Variants in TFPI observed in about 807,000 individuals in gnomAD.
TFPI encodes tissue factor pathway inhibitor.
TFPI carries 15 observed loss-of-function variants against 34.6 expected under a neutral mutation model. The observed-to-expected ratio is 0.43, with a 90% CI of 0.29 to 0.67. The LOEUF (loss-of-function observed/expected upper bound fraction) is 0.67, where lower values mean the gene tolerates loss of function less well. TFPI is among the 30% of genes least tolerant of loss of function. The pLI is 0.15. For missense variants in TFPI, 301 were observed against 364.0 expected, an observed-to-expected ratio of 0.83 and a Z score of 1.41; for synonymous variants, 105 against 120.1, an observed-to-expected ratio of 0.87 and a Z score of 0.82.
At chr2:187,471,310 A>C (rs1044039723) in intron 6 of TFPI, among the ~76,000 whole-genome samples, 1 of 152,176 alleles carries the variant, frequency 6.6e-6, no homozygotes, top group Non-Finnish European at 1.5e-5. Context: ...TCTTAAGAAC[A>C]TTTTAGTTCC....
chr2:187,500,708 G>A (rs1207699771), intron 2 of TFPI, among the ~76,000 whole-genome samples: 2 of 152,048 alleles, frequency 1.3e-5, no homozygotes, highest in Non-Finnish European at 2.9e-5. Flanking sequence ...TAGAAATCCT[G>A]TATTAGAATA....
intron 6 of TFPI, among the ~76,000 whole-genome samples, chr2:187,469,714 A>G (rs1216982203): frequency 6.6e-6 from 1 of 152,108 alleles, no homozygotes; most frequent in Non-Finnish European, 1.5e-5. Context: ...TTTATCCTAC[A>G]TGCCTGTATT....
chr2:187,539,651 A>G (rs1688462723), intron 1 of TFPI, among the ~76,000 whole-genome samples: 1 of 152,194 alleles, frequency 6.6e-6, no homozygotes, highest in Non-Finnish European at 1.5e-5. Flanking sequence ...CCCTTCAGAT[A>G]AAGTTTGATG....
intron 3 of TFPI, among the ~76,000 whole-genome samples, chr2:187,489,664 T>C (rs1684976300): frequency 6.6e-6 from 1 of 151,572 alleles, no homozygotes; most frequent in African/African-American, 2.4e-5. Context: ...AATATATAAA[T>C]GCTTGATTAA....
intron 7 of TFPI, 80 bp from the exon 8 acceptor site, chr2:187,467,122 C>A: frequency 2.2e-6 from 2 of 928,212 alleles, no homozygotes; most frequent in Admixed American, 3.3e-5. Flanking sequence ...CTCAAAGTAA[C>A]TTTTAATATT....
chr2:187,498,431 A>G (rs1349624293), intron 2 of TFPI, among the ~76,000 whole-genome samples: 2 of 151,742 alleles, frequency 1.3e-5, no homozygotes, highest in Non-Finnish European at 3.0e-5. Flanking sequence ...GTAATGTTAA[A>G]ACTTTTTGTA....
chr2:187,498,720 A>G (rs1374858507), intron 2 of TFPI, among the ~76,000 whole-genome samples: 1 of 151,930 alleles, frequency 6.6e-6, no homozygotes, highest in Admixed American at 6.6e-5. Flanking sequence ...TTTCAATTGA[A>G]ATAAATTGAG....
At chr2:187,538,954 GGGTCTA>G (rs1209214494) in intron 1 of TFPI, among the ~76,000 whole-genome samples, 7 of 151,984 alleles carry the variant, frequency 4.6e-5, no homozygotes, top group Non-Finnish European at 8.8e-5. Context: ...AAGAATTATT[GGGTCTA>G]ATATTTAAAC....
chr2:187,505,354 G>A (rs889365310), intron 1 of TFPI, among the ~76,000 whole-genome samples: 1 of 152,070 alleles, frequency 6.6e-6, no homozygotes, highest in African/African-American at 2.4e-5. Context: ...TTAGACTTTC[G>A]TTGGGTGCTA....
chr2:187,475,399 T>TA lies in TFPI; in HGVS notation c.629-7468dup, dbSNP rs8176549. On this transcript the variant is annotated intron_variant, in intron 6 of 7. Coordinates refer to ENST00000233156, the MANE Select transcript of TFPI (RefSeq NM_006287.6). ...AAATGAAGATATGTCAGATCAAGGT[T>TA]ACAGACTTTAGCTTCATTAAAAATG... Among the ~76,000 whole-genome samples the TA allele has an allele frequency of 6.2e-3, 950 of 152,312 alleles. 8 individuals carry two copies. Among genetic ancestry groups the TA allele is most frequent in the Admixed American group, 0.011 (163 of 15,284 alleles).
chr2:187,550,109 G>A (rs1689040966), intron 1 of TFPI, among the ~76,000 whole-genome samples: 2 of 152,024 alleles, frequency 1.3e-5, no homozygotes, highest in Non-Finnish European at 2.9e-5. Context: ...GAGGTAGTTA[G>A]GGTATATAGT....
intron 2 of TFPI, among the ~76,000 whole-genome samples, chr2:187,501,902 A>G (rs1428859248): frequency 1.3e-5 from 2 of 152,058 alleles, no homozygotes; most frequent in Non-Finnish European, 2.9e-5. Flanking sequence ...ATCATCTACT[A>G]TTTGCTTGTG....
chr2:187,473,322 A>G (rs867925692), intron 6 of TFPI, among the ~76,000 whole-genome samples: 2 of 152,236 alleles, frequency 1.3e-5, no homozygotes, highest in South Asian at 2.1e-4. Flanking sequence ...AAATTTTACA[A>G]AAAGATACTT....
intron 3 of TFPI, among the ~76,000 whole-genome samples, chr2:187,495,230 G>A (rs901780771): frequency 2.0e-5 from 3 of 152,106 alleles, no homozygotes; most frequent in African/African-American, 7.2e-5. Flanking sequence ...AAAAGAACAG[G>A]TATATATTTC....
intron 1 of TFPI, among the ~76,000 whole-genome samples, chr2:187,527,474 G>A (rs1687737421): frequency 6.6e-6 from 1 of 152,120 alleles, no homozygotes; most frequent in African/African-American, 2.4e-5. Context: ...CCCAGGGGAG[G>A]TTTAAGGCCG....
At chr2:187,507,570 A>T (rs1686312970) in intron 1 of TFPI, among the ~76,000 whole-genome samples, 1 of 151,936 alleles carries the variant, frequency 6.6e-6, no homozygotes, top group Admixed American at 6.6e-5. Flanking sequence ...ACCAGTGATG[A>T]TGGGCTTTTT....
chr2:187,500,677 C>G (rs1448648792), intron 2 of TFPI, among the ~76,000 whole-genome samples: 1 of 151,976 alleles, frequency 6.6e-6, no homozygotes, highest in Non-Finnish European at 1.5e-5. Flanking sequence ...TGTCTTTATT[C>G]ACACTTTAAT....
At chr2:187,468,028 G>T in intron 6 of TFPI, 96 bp from the exon 7 acceptor site, 1 of 1,064,018 alleles carries the variant, frequency 9.4e-7, no homozygotes, top group Non-Finnish European at 1.3e-6. Context: ...TGTTGCATGT[G>T]TATGTAAAAC....
intron 6 of TFPI, among the ~76,000 whole-genome samples, chr2:187,477,454 T>C (rs1282979191): frequency 6.6e-6 from 1 of 152,092 alleles, no homozygotes; most frequent in African/African-American, 2.4e-5. Flanking sequence ...GTGGATGAAG[T>C]GGGTTTTTTT....
Sources: gnomAD v4.1 joint callset for allele counts (sites outside exome capture counted in the v4.1 genomes callset) on GRCh38, gnomAD v4.1.1 for gene constraint, MANE v1.5 for transcripts, NCBI Gene and HGNC (gene_info 2026-07-23, HGNC 2026-07-21) for gene names.